TRAF7: variants seen among roughly 807,000 people sequenced by gnomAD.
TRAF7 encodes the protein E3 ubiquitin-protein ligase TRAF7.
A neutral mutation model predicts 89.3 loss-of-function variants in TRAF7; 45 were observed. The observed-to-expected ratio is 0.50, with a 90% CI of 0.40 to 0.65. The LOEUF is 0.65. TRAF7 is among the 30% of genes least tolerant of loss of function. The pLI is 0.00. For missense variants in TRAF7, 677 were observed against 918.1 expected (o/e 0.74, Z 3.39); for synonymous variants, 406 against 369.2 (o/e 1.10, Z -1.14).
At position 2,175,107 on chromosome 16, in the gene TRAF7, C is replaced by T; in HGVS notation, c.1347-4C>T. ...ACCTTGACACATTGTCTCTGCTTCCCCAGGTGCAAACTCTACAGCGGCTCT... is the reference window on the plus strand; with the variant it reads ...ACCTTGACACATTGTCTCTGCTTCCTCAGGTGCAAACTCTACAGCGGCTCT... On this transcript the variant is annotated splice_polypyrimidine_tract_variant and splice_region_variant and intron_variant, in intron 14 of 20. Coordinates refer to ENST00000326181, the MANE Select transcript of TRAF7 (RefSeq NM_032271.3). 2 of 1,613,888 alleles carry T rather than the reference C, an allele frequency of 1.2e-6. No homozygotes were observed. Among genetic ancestry groups the T allele is most frequent in the Non-Finnish European group, 1.7e-6 (2 of 1,179,970 alleles).
rs192860108 is a variant in TRAF7, at chr16:2,164,184, G to A, written c.81+183G>A. 1.5e-3 allele frequency among the ~76,000 whole-genome samples: 202 copies of A among 135,744 alleles called. No homozygotes were observed. Among genetic ancestry groups the A allele is most frequent in the East Asian group, 0.013 (57 of 4,542 alleles). 89.1% of individuals were successfully genotyped at this position (135,744 alleles called of 152,430 possible). On this transcript the variant is annotated intron_variant, in intron 2 of 20. Coordinates refer to ENST00000326181, the MANE Select transcript of TRAF7 (RefSeq NM_032271.3). ...TGCGCGCGCGCGCGCGCGCGCGCACGCGTGCGTGTGTGGTTGGGGCGTGTT... is the reference window on the plus strand; with the variant it reads ...TGCGCGCGCGCGCGCGCGCGCGCACACGTGCGTGTGTGGTTGGGGCGTGTT...
chr16:2,156,088 G>T (rs1361757423), intron 1 of TRAF7, among the ~76,000 whole-genome samples: 2 of 152,138 alleles, frequency 1.3e-5, no homozygotes, highest in Non-Finnish European at 2.9e-5. Flanking sequence ...CTGTTCTCGC[G>T]CAGTTCTTTA....
intron 2 of TRAF7, among the ~76,000 whole-genome samples, 160 bp downstream of exon 2, chr16:2,164,161 CGCGCGCGCGCGCGCGCGCGCACGCGT>C (rs1446199760): frequency 1.5e-5 from 1 of 67,578 alleles, no homozygotes; most frequent in Non-Finnish European, 3.5e-5. Context: ...TGTGTGTGTG[CGCGCGCGCGCGCGCGCGCGCACGCGT>C]GCGTGTGTGG....
intron 9 of TRAF7, 103 bp downstream of exon 9, chr16:2,172,702 T>A (rs888637738): frequency 8.3e-5 from 112 of 1,354,046 alleles, no homozygotes; most frequent in Non-Finnish European, 1.1e-4. Context: ...AGGCCGGAGC[T>A]GGGGCCACAC....
rs796357690 is a variant in TRAF7, at chr16:2,164,126, TG to T, written c.81+134del. On this transcript the variant is annotated intron_variant, in intron 2 of 20. Coordinates refer to ENST00000326181, the MANE Select transcript of TRAF7 (RefSeq NM_032271.3). ...GAGCTGGGGTCTCAGGGGAGCTCGGTGGGGGGGGGTGTGGTGTGTGTGTGTG... is the reference window on the plus strand; with the variant it reads ...GAGCTGGGGTCTCAGGGGAGCTCGGTGGGGGGGGTGTGGTGTGTGTGTGTG... The T allele has an allele frequency of 7.4e-3, 3,784 of 508,092 alleles. 17 individuals carry two copies. Among genetic ancestry groups the T allele is most frequent in the African/African-American group, 0.027 (1,233 of 44,842 alleles). The allele number at this position is 508,092 out of a possible 1,614,324, so 31.5% of individuals were successfully genotyped here.
Position 2,163,466 on chromosome 16 carries a change from G to A in TRAF7, c.-38-417G>A. On this transcript the variant is annotated intron_variant, in intron 1 of 20. Transcript: ENST00000326181. The surrounding 1 kb of genome is among the most constrained non-coding windows in gnomAD (Gnocchi z 4.3). ...TGCCTTGGCTGGTCCCTGTGTGACTGCGTCCCGCCACGTGGGCCACACCCT... is the reference window on the plus strand; with the variant it reads ...TGCCTTGGCTGGTCCCTGTGTGACTACGTCCCGCCACGTGGGCCACACCCT... The A allele has an allele frequency of 5.1e-6, 1 of 195,842 alleles. No individual in the cohort carries two copies. Among genetic ancestry groups the A allele is most frequent in the South Asian group, 7.3e-5 (1 of 13,638 alleles). The allele number at this position is 195,842 out of a possible 1,614,324, so 12.1% of individuals were successfully genotyped here.
At chr16:2,164,175 C>CGCGCGCACGCGT (rs1277960301) in intron 2 of TRAF7, among the ~76,000 whole-genome samples, 174 bp downstream of exon 2, 21 of 119,592 alleles carry the variant, frequency 1.8e-4, no homozygotes, top group Non-Finnish European at 2.6e-4. Flanking sequence ...CGCGCGCGCG[C>CGCGCGCACGCGT]GCGCGCACGC....
chr16:2,163,560 A>C lies in TRAF7; in HGVS notation c.-38-323A>C. ...GCCTGGAGGTGACTGGCTGTGACTC[A>C]GGACCCAGAGGAGTAGAGGGAGCCA... On this transcript the variant is annotated intron_variant, in intron 1 of 20. Transcript: ENST00000326181. The surrounding 1 kb of genome is among the most constrained non-coding windows in gnomAD (Gnocchi z 4.3). The C allele has an allele frequency of 3.2e-6, 1 of 310,648 alleles. No homozygotes were observed. The highest frequency in any genetic ancestry group is 6.2e-6 in the Non-Finnish European group (1 of 161,128). 19.2% of individuals were successfully genotyped at this position (310,648 alleles called of 1,614,324 possible).
In TRAF7 at chr16:2,178,063, C is replaced by A; in HGVS notation, c.*1489C>A. 2.1e-6 allele frequency: 1 copy of A among 482,872 alleles called. No individual in the cohort carries two copies. The highest frequency in any genetic ancestry group is 2.7e-5 in the Admixed American group (1 of 36,966). The allele number at this position is 482,872 out of a possible 1,614,324, so 29.9% of individuals were successfully genotyped here. A position where few individuals can be genotyped will look rare whatever the true frequency, so the allele number is the denominator to read the frequency against. The stretch of plus-strand genomic sequence containing the variant: ...TAAATATATATTTGTTAAAGTTATA[C>A]CTTTTTGTTTCTCTGGGGAAATCCG... On this transcript the variant is annotated 3_prime_UTR_variant, in exon 21 of 21. Transcript: ENST00000326181.
rs992237644 is a variant in TRAF7 at position 2,161,506 on chromosome 16, G to C, written c.-38-2377G>C. 6.6e-6 allele frequency among the ~76,000 whole-genome samples: 1 copy of C among 152,136 alleles called. No individual in the cohort carries two copies. The highest frequency in any genetic ancestry group is 2.1e-4 in the South Asian group (1 of 4,836). ...CCAGGGGAGTGCCTGCTGGGGTCCT[G>C]GCCACCTGGGCCCCCGGGCAGGCAT... On this transcript the variant is annotated intron_variant, in intron 1 of 20. Coordinates refer to ENST00000326181, the MANE Select transcript of TRAF7 (RefSeq NM_032271.3). The surrounding 1 kb of genome is among the most constrained non-coding windows in gnomAD (Gnocchi z 5.2).
chr16:2,172,136 G>C, intron 7 of TRAF7, 55 bp from the exon 8 acceptor site: 4 of 1,604,384 alleles, frequency 2.5e-6, no homozygotes, highest in South Asian at 1.1e-5. Flanking sequence ...GCCCACCCGG[G>C]TGAGGGAGCG....
intron 5 of TRAF7, 117 bp downstream of exon 5, chr16:2,170,847 C>G: frequency 6.0e-6 from 6 of 1,004,544 alleles, no homozygotes; most frequent in Non-Finnish European, 8.9e-6. Context: ...GCGGCTGGGG[C>G]CTGACGGGAA....
intron 2 of TRAF7, among the ~76,000 whole-genome samples, chr16:2,164,942 C>T (rs1396902076): frequency 3.5e-4 from 22 of 63,600 alleles, no homozygotes; most frequent in Admixed American, 2.8e-4. Flanking sequence ...CATGGTTAAG[C>T]GTGTGAGTGC....
Position 2,171,270 on chromosome 16 carries a change from C to T in TRAF7, c.355C>T (p.Leu119=). The T allele has an allele frequency of 1.9e-6, 3 of 1,548,900 alleles. No homozygotes were observed. The East Asian group carries it at 7.2e-5, about 37-fold the overall frequency. ...LPEEEEEPEP[L]VFAEQPSVKL... is the part of the protein sequence containing the mutation. Reference sequence around the variant, plus strand: ...CTTTCCCGCTTGGTTCCAGGAGCCACTGGTGTTTGCGGAGCAGCCCTCGGT... The same window carrying T: ...CTTTCCCGCTTGGTTCCAGGAGCCATTGGTGTTTGCGGAGCAGCCCTCGGT... Residue 119 remains leucine (L), a synonymous_variant, in exon 6 of 21, where the codon CTG becomes TTG. Transcript: ENST00000326181.
At position 2,158,417 on chromosome 16, in the gene TRAF7, C is replaced by T. The variant is rs771690433; in HGVS notation, c.-39+2559C>T. Among the ~76,000 whole-genome samples the T allele has an allele frequency of 9.2e-5, 14 of 152,270 alleles. No homozygotes were observed. Among genetic ancestry groups the T allele is most frequent in the Non-Finnish European group, 1.6e-4 (11 of 68,014 alleles). The stretch of plus-strand genomic sequence containing the variant: ...ACGTGTAGACCCGGACACCCTCACC[C>T]GGCTGGAGGAAGCCGGCTGCCTGGA... On this transcript the variant is annotated intron_variant, in intron 1 of 20. Coordinates refer to ENST00000326181, the MANE Select transcript of TRAF7 (RefSeq NM_032271.3). The surrounding 1 kb of genome is among the most constrained non-coding windows in gnomAD (Gnocchi z 4.7).
chr16:2,165,373 G>A (rs1482796415), intron 2 of TRAF7, among the ~76,000 whole-genome samples: 27 of 127,626 alleles, frequency 2.1e-4, no homozygotes, highest in South Asian at 7.5e-4. Context: ...TGCGTGGCGC[G>A]GCCTGGTCGC....
intron 3 of TRAF7, among the ~76,000 whole-genome samples, chr16:2,167,198 C>T (rs187352109): frequency 2.0e-5 from 3 of 152,276 alleles, no homozygotes; most frequent in Non-Finnish European, 2.9e-5. Context: ...GGGCAGGGCA[C>T]GGCTGCTATG....
chr16:2,177,076 G>A lies in TRAF7; in HGVS notation c.*502G>A, dbSNP rs1166675600. The A allele has an allele frequency of 1.1e-5, 3 of 282,654 alleles. No individual in the cohort carries two copies. The highest frequency in any genetic ancestry group is 1.0e-4 in the East Asian group (2 of 19,584). 17.5% of individuals were successfully genotyped at this position (282,654 alleles called of 1,614,324 possible). A position where few individuals can be genotyped will look rare whatever the true frequency, so the allele number is the denominator to read the frequency against. On this transcript the variant is annotated 3_prime_UTR_variant, in exon 21 of 21. Coordinates refer to ENST00000326181, the MANE Select transcript of TRAF7 (RefSeq NM_032271.3). ...GGACCCCAGGACTTCGGCCCACTCC[G>A]GGGCCTCCCCTCCCTGCTAGGAGGC...
rs1206850432 is a variant in TRAF7, at chr16:2,174,574, C to A, written c.1346+241C>A. On this transcript the variant is annotated intron_variant, in intron 14 of 20. Transcript: ENST00000326181. ...TGGCGCAGCCAGCCTCCCAGCAGAA[C>A]CTTGTCCTGGCCCAGGTGCACCTTG... Among the ~76,000 whole-genome samples, 5 of 152,180 alleles carry A rather than the reference C, an allele frequency of 3.3e-5. No individual in the cohort carries two copies. In the South Asian group the frequency reaches 8.3e-4, roughly 25 times the overall value.
Sources: allele counts gnomAD v4.1 joint callset (sites outside exome capture counted in the v4.1 genomes callset), GRCh38; gene constraint gnomAD v4.1.1; non-coding constraint Gnocchi (gnomAD v3.1); transcripts MANE v1.5; gene names NCBI Gene and HGNC (gene_info 2026-07-23, HGNC 2026-07-21).